Variants in NFIA observed in about 807,000 individuals in gnomAD.
The protein encoded by NFIA is nuclear factor 1 A-type.
A neutral mutation model predicts 62.8 loss-of-function variants in NFIA; 8 were observed. The observed-to-expected ratio is 0.13, with a 90% CI of 0.07 to 0.23. NFIA has a LOEUF of 0.23. Among genes scored for constraint, NFIA ranks in the 10% least tolerant of loss-of-function variants. The pLI, the probability that NFIA is intolerant of heterozygous loss-of-function variation, is 1.00. For missense variants in NFIA, 410 were observed against 642.1 expected (o/e 0.64, Z 3.91); for synonymous variants, 235 against 238.1 (o/e 0.99, Z 0.12).
chr1:61,238,963 T>C (rs896674517), intron 2 of NFIA, among the ~76,000 whole-genome samples: 42 of 152,324 alleles, frequency 2.8e-4, no homozygotes, highest in African/African-American at 9.4e-4. Flanking sequence ...TTCTTTTCCA[T>C]AAATTGATTT....
intron 2 of NFIA, among the ~76,000 whole-genome samples, chr1:61,228,614 T>A (rs1256826779): frequency 6.6e-6 from 1 of 152,218 alleles, no homozygotes; most frequent in Non-Finnish European, 1.5e-5. Flanking sequence ...ATTTTAAAAT[T>A]TCTGCAGTAT....
chr1:61,301,034 C>T (rs918178374), intron 3 of NFIA, among the ~76,000 whole-genome samples: 5 of 152,134 alleles, frequency 3.3e-5, no homozygotes, highest in African/African-American at 1.2e-4. Context: ...AAAAGAGAAA[C>T]GTATGATTAA....
chr1:61,269,762 A>G (rs1392211577), intron 2 of NFIA, among the ~76,000 whole-genome samples: 1 of 152,242 alleles, frequency 6.6e-6, no homozygotes, highest in Admixed American at 6.5e-5. Flanking sequence ...ACTCATCAGC[A>G]TAGTCTAGCT....
At chr1:61,158,170 T>C (rs1648941108) in intron 2 of NFIA, among the ~76,000 whole-genome samples, 1 of 152,218 alleles carries the variant, frequency 6.6e-6, no homozygotes, top group Non-Finnish European at 1.5e-5. Context: ...CTTTTCATCT[T>C]TGAAAATAAT....
At chr1:61,363,509 C>T (rs774793461) in intron 6 of NFIA, among the ~76,000 whole-genome samples, 1 of 151,506 alleles carries the variant, frequency 6.6e-6, no homozygotes, top group Non-Finnish European at 1.5e-5. Flanking sequence ...GAGGCTGAGG[C>T]AGGAGAATTG....
chr1:61,136,981 C>G (rs1049666875), intron 2 of NFIA, among the ~76,000 whole-genome samples: 6 of 152,200 alleles, frequency 3.9e-5, no homozygotes, highest in Non-Finnish European at 7.4e-5. Context: ...GAAATAGGTA[C>G]CCCATATTTA....
chr1:61,358,886 G>A (rs1663128643), intron 5 of NFIA, among the ~76,000 whole-genome samples: 1 of 152,130 alleles, frequency 6.6e-6, no homozygotes, highest in East Asian at 1.9e-4. Context: ...ATTCCTCAAA[G>A]GAAACAGGAA....
intron 3 of NFIA, among the ~76,000 whole-genome samples, chr1:61,325,325 T>G (rs758672874): frequency 7.9e-5 from 12 of 152,232 alleles, no homozygotes; most frequent in Non-Finnish European, 1.5e-4. Context: ...TCCCTGCAAG[T>G]CATTTTTAAG....
At chr1:61,349,984 A>G (rs1023027420) in intron 4 of NFIA, among the ~76,000 whole-genome samples, 5 of 151,974 alleles carry the variant, frequency 3.3e-5, no homozygotes, top group African/African-American at 1.2e-4. Flanking sequence ...CATCCCCACT[A>G]TACCTTGCAT....
intron 2 of NFIA, among the ~76,000 whole-genome samples, chr1:61,192,597 G>C (rs1036579562): frequency 6.6e-5 from 10 of 151,934 alleles, no homozygotes; most frequent in African/African-American, 2.2e-4. Context: ...CAGCTACTCA[G>C]GAGACAGAGG....
intron 2 of NFIA, among the ~76,000 whole-genome samples, chr1:61,148,398 C>G (rs1001051698): frequency 2.6e-5 from 4 of 152,142 alleles, no homozygotes; most frequent in Admixed American, 6.5e-5. Context: ...TGTCCCCTAT[C>G]CCCTTTGTCT....
chr1:61,386,774 G>A (rs769061717), intron 7 of NFIA, among the ~76,000 whole-genome samples: 3 of 152,192 alleles, frequency 2.0e-5, no homozygotes, highest in East Asian at 1.9e-4. Flanking sequence ...GTAGCACAGC[G>A]GTTGTCCTTG....
intron 4 of NFIA, among the ~76,000 whole-genome samples, chr1:61,335,264 C>A (rs1406070421): frequency 6.6e-6 from 1 of 152,110 alleles, no homozygotes; most frequent in African/African-American, 2.4e-5. Context: ...AGTCAGGAGA[C>A]CCCTTTTTCT....
intron 6 of NFIA, among the ~76,000 whole-genome samples, chr1:61,372,638 G>A (rs949744700): frequency 6.6e-6 from 1 of 150,802 alleles, no homozygotes; most frequent in African/African-American, 2.4e-5. Flanking sequence ...TCATGTAGTT[G>A]TGTGATTTAC....
chr1:61,453,443 C>CTT (rs11336299), intron 10 of NFIA, among the ~76,000 whole-genome samples: 284 of 78,830 alleles, frequency 3.6e-3, no homozygotes, highest in African/African-American at 7.4e-3. Flanking sequence ...TGTGAAGAAA[C>CTT]TTTTTTTTTT....
intron 3 of NFIA, among the ~76,000 whole-genome samples, chr1:61,320,903 GT>G (rs1037308690): frequency 6.6e-6 from 1 of 152,064 alleles, no homozygotes; most frequent in Non-Finnish European, 1.5e-5. Context: ...ACATTTCCCT[GT>G]TTTTTCCCTA....
chr1:61,383,965 T>A (rs1405949616), intron 7 of NFIA, among the ~76,000 whole-genome samples: 2 of 152,250 alleles, frequency 1.3e-5, no homozygotes, highest in Non-Finnish European at 2.9e-5. Flanking sequence ...TCATATGCTT[T>A]TAAGTTTATT....
At chr1:61,239,033 A>T (rs1226319017) in intron 2 of NFIA, among the ~76,000 whole-genome samples, 1 of 152,210 alleles carries the variant, frequency 6.6e-6, no homozygotes, top group Non-Finnish European at 1.5e-5. Flanking sequence ...AATAAAATGA[A>T]ATATTTTCAT....
chr1:61,308,847 C>T (rs555508034), intron 3 of NFIA, among the ~76,000 whole-genome samples: 16 of 152,240 alleles, frequency 1.1e-4, no homozygotes, highest in African/African-American at 3.9e-4. Context: ...TTCAGAAGCC[C>T]TGGTGGTGAT....
Sources: allele counts gnomAD v4.1 joint callset (sites outside exome capture counted in the v4.1 genomes callset), GRCh38; gene constraint gnomAD v4.1.1; transcripts MANE v1.5; gene names NCBI Gene and HGNC (gene_info 2026-07-23, HGNC 2026-07-21).